Variants in KCNB2 observed in about 807,000 individuals in gnomAD.
The protein encoded by KCNB2 is delayed rectifier potassium channel protein.
Under a neutral mutation model 61.5 loss-of-function variants are expected in KCNB2, and 15 were observed. The observed-to-expected ratio is 0.24, with a 90% CI of 0.16 to 0.38. The LOEUF (loss-of-function observed/expected upper bound fraction) is 0.38, where lower values mean the gene tolerates loss of function less well. KCNB2 is among the 10% of genes least tolerant of loss of function. The pLI, the probability that KCNB2 is intolerant of heterozygous loss-of-function variation, is 1.00. For missense variants in KCNB2, 828 were observed against 1,125.2 expected, an observed-to-expected ratio of 0.74 and a Z score of 3.78; for synonymous variants, 457 against 446.0, an observed-to-expected ratio of 1.02 and a Z score of -0.31.
intron 2 of KCNB2, among the ~76,000 whole-genome samples, chr8:72,706,041 A>G (rs1374643742): frequency 1.3e-5 from 2 of 152,210 alleles, no homozygotes; most frequent in African/African-American, 4.8e-5. Context: ...AGGAGCCAAC[A>G]GCAGACCTGG....
chr8:72,912,414 A>G (rs1001328740), intron 2 of KCNB2, among the ~76,000 whole-genome samples: 1 of 151,646 alleles, frequency 6.6e-6, no homozygotes, highest in Non-Finnish European at 1.5e-5. Context: ...ACAAGTCACA[A>G]AAAAGGTGCA....
chr8:72,540,762 C>T (rs1001214813), intron 1 of KCNB2, among the ~76,000 whole-genome samples: 1 of 152,098 alleles, frequency 6.6e-6, no homozygotes, highest in Admixed American at 6.5e-5. Flanking sequence ...ACAAGTAATC[C>T]CTTGACTTGT....
At chr8:72,896,640 T>C (rs2129006286) in intron 2 of KCNB2, among the ~76,000 whole-genome samples, 1 of 152,266 alleles carries the variant, frequency 6.6e-6, no homozygotes, top group South Asian at 2.1e-4. Context: ...TAGTGCTAAA[T>C]TGTTAGATCA....
In KCNB2 at chr8:72,935,978, T is replaced by C; in HGVS notation, c.623T>C (p.Ile208Thr). ...VSILFIVLST[I>T]ALSLNTLPEL... is the part of the protein sequence containing the mutation. ...ATCCTGTTCATTGTGCTTTCCACCATTGCTTTGTCTCTCAATACGCTGCCG... is the reference window on the plus strand; with the variant it reads ...ATCCTGTTCATTGTGCTTTCCACCACTGCTTTGTCTCTCAATACGCTGCCG... Residue 208 changes from isoleucine (I) to threonine (T), a missense_variant, in exon 3 of 3, where the codon ATT (isoleucine) becomes ACT (threonine). This residue lies in a region of KCNB2 where 163 missense variants were observed against 314.4 expected (regional missense o/e 0.52). Transcript: ENST00000523207. 2 of 1,614,198 alleles carry C rather than the reference T, an allele frequency of 1.2e-6. No individual in the cohort carries two copies. Among genetic ancestry groups the C allele is most frequent in the Admixed American group, 1.7e-5 (1 of 60,034 alleles).
chr8:72,932,790 G>A (rs529035766), intron 2 of KCNB2, among the ~76,000 whole-genome samples: 62 of 152,184 alleles, frequency 4.1e-4, no homozygotes, highest in Non-Finnish European at 7.6e-4. Flanking sequence ...TTCATGTTTT[G>A]AAGTGCATCC....
At chr8:72,814,181 T>G (rs1809351399) in intron 2 of KCNB2, among the ~76,000 whole-genome samples, 1 of 152,218 alleles carries the variant, frequency 6.6e-6, no homozygotes, top group Admixed American at 6.5e-5. Context: ...ACATATTAAT[T>G]TAATTATCAT....
chr8:72,933,904 G>T (rs1806842910), intron 2 of KCNB2, among the ~76,000 whole-genome samples: 1 of 152,088 alleles, frequency 6.6e-6, no homozygotes, highest in African/African-American at 2.4e-5. Context: ...CTCTCAAAAA[G>T]ATAGAAAGTA....
intron 2 of KCNB2, among the ~76,000 whole-genome samples, chr8:72,761,601 T>G (rs1003153396): frequency 2.6e-5 from 4 of 152,192 alleles, no homozygotes; most frequent in African/African-American, 9.6e-5. Flanking sequence ...CCTTCAGCTG[T>G]CAGCACTAGA....
chr8:72,863,663 GAGCCCCCATGGC>G (rs1465482343), intron 2 of KCNB2, among the ~76,000 whole-genome samples: 1 of 152,198 alleles, frequency 6.6e-6, no homozygotes, highest in African/African-American at 2.4e-5. Context: ...GACAGTAACA[GAGCCCCCATGGC>G]AGCCCGCCAA....
chr8:72,937,434 T>C lies in KCNB2; in HGVS notation c.2079T>C (p.Ser693=). The C allele has an allele frequency of 6.2e-7, 1 of 1,613,968 alleles. No individual in the cohort carries two copies. ...GTGGGCTACATAGTCCTTTGCAGTC[T>C]GACAATGCCACCGACAGTCCTAAGA... ...SQCGLHSPLQ[S]DNATDSPKSS... is the part of the protein sequence containing the mutation. Residue 693 remains serine (S), a synonymous_variant, in exon 3 of 3, where the codon TCT becomes TCC. Transcript: ENST00000523207.
chr8:72,901,061 T>G (rs1383192471), intron 2 of KCNB2, among the ~76,000 whole-genome samples: 1 of 152,132 alleles, frequency 6.6e-6, no homozygotes. Context: ...CTATTCACAA[T>G]AGCAAAGACG....
At chr8:72,804,466 G>GA (rs1261961728) in intron 2 of KCNB2, among the ~76,000 whole-genome samples, 10 of 152,010 alleles carry the variant, frequency 6.6e-5, no homozygotes, top group Non-Finnish European at 1.2e-4. Context: ...CCTAGGAACA[G>GA]AAAAAAGAAT....
chr8:72,847,920 G>T (rs117457481), intron 2 of KCNB2, among the ~76,000 whole-genome samples: 3,245 of 152,214 alleles, frequency 0.021, 57 homozygotes, highest in Middle Eastern at 0.065. Context: ...CAGTAGGAAA[G>T]CTAGGGTAGA....
intron 2 of KCNB2, among the ~76,000 whole-genome samples, chr8:72,734,429 G>T (rs568288594): frequency 6.6e-6 from 1 of 152,208 alleles, no homozygotes; most frequent in Non-Finnish European, 1.5e-5. Context: ...GTTACAAACT[G>T]TTGGATATAA....
chr8:72,709,653 TG>T (rs1463337293), intron 2 of KCNB2, among the ~76,000 whole-genome samples: 1 of 152,022 alleles, frequency 6.6e-6, no homozygotes, highest in Non-Finnish European at 1.5e-5. Context: ...CTCAAGGAGA[TG>T]GTGCTAAGCC....
intron 2 of KCNB2, among the ~76,000 whole-genome samples, chr8:72,861,691 G>A (rs1346933117): frequency 2.0e-5 from 3 of 152,156 alleles, no homozygotes; most frequent in South Asian, 2.1e-4. Flanking sequence ...ATTCTCAATC[G>A]GCCTGCCTGA....
intron 2 of KCNB2, among the ~76,000 whole-genome samples, chr8:72,915,570 A>G (rs189778874): frequency 3.3e-4 from 50 of 152,216 alleles, no homozygotes; most frequent in African/African-American, 1.0e-3. Context: ...ACTGGGGGGG[A>G]AAACTTTAAT....
chr8:72,764,899 G>C (rs1294510954), intron 2 of KCNB2, among the ~76,000 whole-genome samples: 1 of 152,126 alleles, frequency 6.6e-6, no homozygotes, highest in East Asian at 1.9e-4. Context: ...AATTCACAAG[G>C]AGAAATTCCC....
chr8:72,662,383 G>T (rs1417343786), intron 2 of KCNB2, among the ~76,000 whole-genome samples: 1 of 152,138 alleles, frequency 6.6e-6, no homozygotes, highest in Non-Finnish European at 1.5e-5. Flanking sequence ...GTGGGGCTGG[G>T]GAGGGAGGAC....
Sources: allele counts gnomAD v4.1 joint callset (sites outside exome capture counted in the v4.1 genomes callset), GRCh38; gene constraint gnomAD v4.1.1; regional missense constraint gnomAD v4.1.1; transcripts MANE v1.5; gene names NCBI Gene and HGNC (gene_info 2026-07-23, HGNC 2026-07-21).